Variants in AGMO observed in about 807,000 individuals in gnomAD.
AGMO encodes the protein glyceryl-ether monooxygenase.
In AGMO, 75 loss-of-function variants were observed where a neutral mutation model predicts 60.2. The ratio of observed to expected loss-of-function variants is 1.25; its 90% CI spans 1.03 to 1.51. The LOEUF is 1.51. Among genes scored for constraint, AGMO ranks in the 40% most tolerant of loss-of-function variants. AGMO has a pLI of 0.00. For synonymous variants in AGMO, 261 were observed against 177.1 expected, an observed-to-expected ratio of 1.47 and a Z score of -3.76; for missense variants, 763 against 525.5, an observed-to-expected ratio of 1.45 and a Z score of -4.42.
chr7:15,439,661 T>G (rs1216613051), intron 3 of AGMO, among the ~76,000 whole-genome samples: 1 of 152,230 alleles, frequency 6.6e-6, no homozygotes, highest in African/African-American at 2.4e-5. Context: ...TGAGCATCAC[T>G]GTGCTTTGAA....
intron 6 of AGMO, among the ~76,000 whole-genome samples, chr7:15,392,822 AC>A (rs780364523): frequency 2.3e-4 from 34 of 149,470 alleles, no homozygotes; most frequent in South Asian, 1.9e-3. Context: ...AAACAAACAA[AC>A]AAACAAACAA....
At chr7:15,319,556 C>G (rs577015286) in intron 12 of AGMO, among the ~76,000 whole-genome samples, 84 of 152,070 alleles carry the variant, frequency 5.5e-4, no homozygotes, top group Non-Finnish European at 1.0e-3. Context: ...TTAAAGTTAC[C>G]TGAATTGCTA....
chr7:15,278,125 C>T (rs1783851969), intron 12 of AGMO, among the ~76,000 whole-genome samples: 1 of 145,196 alleles, frequency 6.9e-6, no homozygotes, highest in Non-Finnish European at 1.5e-5. Context: ...TACATCTGTC[C>T]CACAGCTCTA....
chr7:15,330,052 G>T (rs569120255), intron 12 of AGMO, among the ~76,000 whole-genome samples: 1 of 123,584 alleles, frequency 8.1e-6, no homozygotes, highest in East Asian at 2.5e-4. Flanking sequence ...CTAAAATATA[G>T]AATTATTTTC....
At chr7:15,247,650 A>G (rs1241008586) in intron 12 of AGMO, among the ~76,000 whole-genome samples, 3 of 152,150 alleles carry the variant, frequency 2.0e-5, no homozygotes, top group African/African-American at 7.2e-5. Context: ...AAAATAACAA[A>G]AAAGAAAAGG....
At chr7:15,426,744 T>C (rs1212296765) in intron 4 of AGMO, among the ~76,000 whole-genome samples, 3 of 149,888 alleles carry the variant, frequency 2.0e-5, no homozygotes, top group Non-Finnish European at 4.5e-5. Flanking sequence ...TGACAATTTG[T>C]CAAAAAAAAA....
At chr7:15,368,764 A>C (rs77135708) in intron 10 of AGMO, among the ~76,000 whole-genome samples, 1 of 152,236 alleles carries the variant, frequency 6.6e-6, no homozygotes, top group East Asian at 1.9e-4. Context: ...ATGTCACAGG[A>C]AACTCACAGA....
chr7:15,324,698 T>G (rs1394615748), intron 12 of AGMO, among the ~76,000 whole-genome samples: 1 of 152,094 alleles, frequency 6.6e-6, no homozygotes, highest in African/African-American at 2.4e-5. Context: ...AAGATACGGT[T>G]TCAGGAAGAA....
chr7:15,195,015 G>C, the AGMO span, among the ~76,000 whole-genome samples: 1 of 152,154 alleles, frequency 6.6e-6, no homozygotes, highest in Non-Finnish European at 1.5e-5. Context: ...AATAGGATAA[G>C]GGGAGGAGAG....
At chr7:15,400,477 T>G (rs1297546768) in intron 5 of AGMO, among the ~76,000 whole-genome samples, 1 of 152,166 alleles carries the variant, frequency 6.6e-6, no homozygotes, top group Non-Finnish European at 1.5e-5. Context: ...GGTATGAGTG[T>G]CATTCCGTGC....
intron 10 of AGMO, among the ~76,000 whole-genome samples, chr7:15,385,079 A>AGGGAAG (rs1783860266): frequency 6.6e-6 from 1 of 152,172 alleles, no homozygotes; most frequent in African/African-American, 2.4e-5. Flanking sequence ...GAATTCTCTA[A>AGGGAAG]GTGAAGGTAA....
chr7:15,403,996 A>G (rs62439267), intron 5 of AGMO, among the ~76,000 whole-genome samples: 11,322 of 151,956 alleles, frequency 0.075, 507 homozygotes, highest in African/African-American at 0.12. Flanking sequence ...TTCCTGTTTG[A>G]TTAGACAGTT....
chr7:15,150,585 C>T, the AGMO span, among the ~76,000 whole-genome samples: 2 of 151,958 alleles, frequency 1.3e-5, no homozygotes, highest in Non-Finnish European at 2.9e-5. Context: ...TTTAGCTCTG[C>T]TTATGTGATG....
At chr7:15,224,689 A>T (rs1782024304) in intron 12 of AGMO, among the ~76,000 whole-genome samples, 1 of 152,008 alleles carries the variant, frequency 6.6e-6, no homozygotes, top group Admixed American at 6.6e-5. Flanking sequence ...TATGCTTGAA[A>T]AATCTTTTGT....
chr7:15,547,920 G>A (rs1239111368), intron 2 of AGMO, among the ~76,000 whole-genome samples: 1 of 152,170 alleles, frequency 6.6e-6, no homozygotes, highest in Non-Finnish European at 1.5e-5. Flanking sequence ...GTCCCTGTCT[G>A]ATAGCTTTGA....
chr7:15,247,922 C>T (rs189705948), intron 12 of AGMO, among the ~76,000 whole-genome samples: 1 of 151,254 alleles, frequency 6.6e-6, no homozygotes. Context: ...AGGATGAATG[C>T]CTATATTAGT....
At chr7:15,194,375 TA>T in the AGMO span, among the ~76,000 whole-genome samples, 19,074 of 151,066 alleles carry the variant, frequency 0.13, 1,530 homozygotes, top group East Asian at 0.34. Flanking sequence ...TAAGTAAAAT[TA>T]AAAAAAAAGA....
chr7:15,279,697 C>A (rs1783906902), intron 12 of AGMO, among the ~76,000 whole-genome samples: 1 of 152,276 alleles, frequency 6.6e-6, no homozygotes, highest in Non-Finnish European at 1.5e-5. Context: ...CAGCAGGCTG[C>A]AGCCTACACC....
At chr7:15,414,268 G>A (rs961130565) in intron 5 of AGMO, among the ~76,000 whole-genome samples, 1 of 151,902 alleles carries the variant, frequency 6.6e-6, no homozygotes, top group Non-Finnish European at 1.5e-5. Context: ...CAAAGTGCTG[G>A]GATTACAGGC....
Sources: allele counts gnomAD v4.1 joint callset (sites outside exome capture counted in the v4.1 genomes callset), GRCh38; gene constraint gnomAD v4.1.1; transcripts MANE v1.5; gene names NCBI Gene and HGNC (gene_info 2026-07-23, HGNC 2026-07-21).